Variants in ZFHX3 observed in about 807,000 individuals in gnomAD.
ZFHX3 encodes the protein zinc finger homeobox 3.
In ZFHX3, 42 loss-of-function variants were observed where a neutral mutation model predicts 279.1. The observed-to-expected ratio is 0.15, with a 90% CI of 0.12 to 0.19. The LOEUF is 0.19. ZFHX3 is among the 10% of genes least tolerant of loss of function. ZFHX3 has a pLI of 1.00. For missense variants in ZFHX3, 4,981 were observed against 4,754.0 expected, an observed-to-expected ratio of 1.05 and a Z score of -1.40; for synonymous variants, 2,293 against 1,957.8, an observed-to-expected ratio of 1.17 and a Z score of -4.52.
chr16:72,850,466 T>C (rs1355663863), intron 4 of ZFHX3, among the ~76,000 whole-genome samples: 1 of 152,268 alleles, frequency 6.6e-6, no homozygotes, highest in African/African-American at 2.4e-5. Context: ...AGCACTTATA[T>C]CACTGTAGAG....
At chr16:73,527,461 C>T (rs1250549556) in intron 2 of ZFHX3, among the ~76,000 whole-genome samples, 1 of 152,168 alleles carries the variant, frequency 6.6e-6, no homozygotes, top group African/African-American at 2.4e-5. Context: ...CCTTGGGGAC[C>T]TACTGTAGTT....
intron 5 of ZFHX3, among the ~76,000 whole-genome samples, chr16:73,175,063 A>G (rs1332849355): frequency 6.6e-6 from 1 of 151,540 alleles, no homozygotes; most frequent in Non-Finnish European, 1.5e-5. Flanking sequence ...TACCCAAATC[A>G]GATTAAGCCC....
In ZFHX3 at chr16:73,863,691, A is replaced by G. The variant is rs1961939881; in HGVS notation, c.-1608+27960T>C. Among the ~76,000 whole-genome samples the G allele has an allele frequency of 4.6e-5, 7 of 152,324 alleles. No homozygotes were observed. In the South Asian group the frequency reaches 1.4e-3, roughly 32 times the overall value. On this transcript the variant is annotated intron_variant, in intron 1 of 17. Coordinates refer to the ZFHX3 transcript ENST00000641206. ...ATGGTCATGTGTGCATATACCTTAG[A>G]GTTCCACTATACCCTAATAATGCAT...
intron 5 of ZFHX3, among the ~76,000 whole-genome samples, chr16:73,166,356 C>A (rs1046878343): frequency 1.3e-5 from 2 of 152,070 alleles, no homozygotes; most frequent in African/African-American, 4.8e-5. Context: ...CAAACAGAGA[C>A]AAATCAAGAA....
chr16:72,829,872 A>T lies in ZFHX3; in HGVS notation c.3449-13T>A. On this transcript the variant is annotated splice_polypyrimidine_tract_variant and intron_variant, in intron 4 of 9. Transcript: ENST00000268489. ...TCAATGGCTTCTTCTGAAACAGAAG[A>T]AAAACATGTCAAGGGTTAAAAATAA... 1 of 1,614,106 alleles carries T rather than the reference A, an allele frequency of 6.2e-7. No homozygotes were observed. Among genetic ancestry groups the T allele is most frequent in the Admixed American group, 1.7e-5 (1 of 60,032 alleles).
At chr16:73,804,215 G>A (rs1480777120) in intron 1 of ZFHX3, among the ~76,000 whole-genome samples, 1 of 152,120 alleles carries the variant, frequency 6.6e-6, no homozygotes, top group Non-Finnish European at 1.5e-5. Flanking sequence ...GAGGAACGAG[G>A]AGGAAGAGTG....
chr16:73,410,941 C>T (rs755797408), intron 3 of ZFHX3, among the ~76,000 whole-genome samples: 12 of 152,178 alleles, frequency 7.9e-5, no homozygotes, highest in Non-Finnish European at 1.5e-4. Flanking sequence ...AGCCCAGCAC[C>T]GAATAATCAA....
chr16:73,339,902 TTA>T (rs1465089726), intron 3 of ZFHX3, among the ~76,000 whole-genome samples: 1 of 152,190 alleles, frequency 6.6e-6, no homozygotes, highest in Admixed American at 6.5e-5. Context: ...ATAATGGCAT[TTA>T]TATGATTCAG....
chr16:73,130,597 C>T (rs1267250985), intron 7 of ZFHX3, among the ~76,000 whole-genome samples: 1 of 152,160 alleles, frequency 6.6e-6, no homozygotes, highest in Non-Finnish European at 1.5e-5. Flanking sequence ...AAGAAAATAA[C>T]AACAAAACAA....
At chr16:72,917,235 T>C (rs774358140) in intron 3 of ZFHX3, among the ~76,000 whole-genome samples, 2 of 152,154 alleles carry the variant, frequency 1.3e-5, no homozygotes, top group African/African-American at 4.8e-5. Flanking sequence ...AGCAACACCC[T>C]GTCTCAATAA....
chr16:73,312,796 A>G (rs531027819), intron 4 of ZFHX3, among the ~76,000 whole-genome samples: 1 of 152,366 alleles, frequency 6.6e-6, no homozygotes, highest in South Asian at 2.1e-4. Context: ...AATGTATCAG[A>G]TTCTACAGCA....
chr16:73,749,123 C>T (rs1213494242), intron 1 of ZFHX3, among the ~76,000 whole-genome samples: 1 of 152,078 alleles, frequency 6.6e-6, no homozygotes, highest in Non-Finnish European at 1.5e-5. Context: ...ATCTTTCAGC[C>T]TTCCAAATAC....
At position 72,797,898 on chromosome 16, in the gene ZFHX3, G is replaced by C. The variant is rs769073387; in HGVS notation, c.4784C>G (p.Pro1595Arg). Residue 1595 changes from proline to arginine, a missense_variant, in exon 9 of 10, where the codon CCT (proline) becomes CGT (arginine). By Grantham distance (103) the Pro-to-Arg change is moderately radical (BLOSUM62 -2). Around this residue, in one of 7 missense-constraint regions of ZFHX3, gnomAD observed 1,751 missense variants for 1,770.0 expected, o/e 0.99. Transcript: ENST00000268489. Reference sequence around the variant, plus strand: ...CACATTACAAGTGTTACACTTAAAAGGTTTGTTGTCTGGGCTGCTGGTGGG... The same window carrying C: ...CACATTACAAGTGTTACACTTAAAACGTTTGTTGTCTGGGCTGCTGGTGGG... ...PEPTSSPDNK[P>R]FKCNTCNVAY... 1.2e-5 allele frequency: 20 copies of C among 1,614,184 alleles called. No homozygotes were observed. Among genetic ancestry groups the C allele is most frequent in the Non-Finnish European group, 1.7e-5 (20 of 1,180,026 alleles).
intron 2 of ZFHX3, among the ~76,000 whole-genome samples, chr16:73,471,917 C>T (rs1275781070): frequency 2.0e-5 from 3 of 152,062 alleles, no homozygotes; most frequent in Non-Finnish European, 2.9e-5. Context: ...GGAGCAAGCC[C>T]GCTGCATGGT....
At chr16:72,918,029 T>C (rs1247240851) in intron 3 of ZFHX3, among the ~76,000 whole-genome samples, 2 of 152,158 alleles carry the variant, frequency 1.3e-5, no homozygotes, top group African/African-American at 4.8e-5. Context: ...CAAGGAGGCC[T>C]GGTTTAACTG....
Position 73,569,617 on chromosome 16 carries a change from G to C in ZFHX3, c.-1547+110563C>G, listed in dbSNP as rs547578683. 2.6e-5 allele frequency among the ~76,000 whole-genome samples: 4 copies of C among 152,230 alleles called. No individual in the cohort carries two copies. The East Asian group carries it at 5.8e-4, about 22-fold the overall frequency. ...CTAAATGAATCCACTCGGCCACAAT[G>C]CATGTATAATTTAACAGTCTCCTCT... On this transcript the variant is annotated intron_variant, in intron 2 of 17. Transcript: ENST00000641206.
At chr16:73,488,441 A>G (rs775210901) in intron 2 of ZFHX3, among the ~76,000 whole-genome samples, 4 of 152,182 alleles carry the variant, frequency 2.6e-5, no homozygotes, top group East Asian at 1.9e-4. Flanking sequence ...TCATGGCCCA[A>G]TGGCAGGCCA....
intron 7 of ZFHX3, chr16:73,093,838 G>A: frequency 1.1e-5 from 3 of 275,130 alleles, no homozygotes; most frequent in South Asian, 3.8e-5. Context: ...AAGCGAGGCG[G>A]GAAAAGAAAA....
intron 5 of ZFHX3, among the ~76,000 whole-genome samples, chr16:72,819,626 G>T (rs1466435728): frequency 1.3e-5 from 2 of 152,174 alleles, no homozygotes; most frequent in South Asian, 4.1e-4. Flanking sequence ...GCTGCTTTGT[G>T]GTCTAACTAG....
Sources: allele counts gnomAD v4.1 joint callset (sites outside exome capture counted in the v4.1 genomes callset), GRCh38; gene constraint gnomAD v4.1.1; regional missense constraint gnomAD v4.1.1; transcripts MANE v1.5; gene names NCBI Gene and HGNC (gene_info 2026-07-23, HGNC 2026-07-21).